NLGN4Y: variants seen among roughly 807,000 people sequenced by gnomAD.
The protein encoded by NLGN4Y is neuroligin 4 Y-linked.
NLGN4Y carries 4 observed loss-of-function variants against 8.4 expected under a neutral mutation model. That is an observed-to-expected ratio of 0.48 (90% CI 0.23 to 1.09). NLGN4Y has a LOEUF of 1.09. Ranked by LOEUF, NLGN4Y falls within the 50% of genes least tolerant of loss-of-function variation. The pLI is 0.19. For synonymous variants in NLGN4Y, 35 were observed against 75.6 expected, an observed-to-expected ratio of 0.46 and a Z score of 2.78; for missense variants, 90 against 192.3, an observed-to-expected ratio of 0.47 and a Z score of 3.15.
At chrY:14,682,947 T>C (rs895901152) in intron 2 of NLGN4Y, among the ~76,000 whole-genome samples, 1 of 33,267 alleles carries the variant, frequency 3.0e-5, no homozygotes, top group Non-Finnish European at 7.4e-5. Context: ...TACAGTGTAC[T>C]CTGTCCTGGT....
chrY:14,647,801 T>A (rs931617532), intron 2 of NLGN4Y, among the ~76,000 whole-genome samples: 1 of 34,740 alleles, frequency 2.9e-5, no homozygotes, highest in Non-Finnish European at 7.2e-5. Flanking sequence ...ACATCTTACA[T>A]GTTCTTGGTT....
intron 1 of NLGN4Y, among the ~76,000 whole-genome samples, chrY:14,594,728 C>T: frequency 3.0e-5 from 1 of 32,966 alleles, no homozygotes. Flanking sequence ...CTCTCGTAGC[C>T]GCTCGAGGAA....
At chrY:14,675,595 G>A in intron 2 of NLGN4Y, among the ~76,000 whole-genome samples, 1 of 32,627 alleles carries the variant, frequency 3.1e-5, no homozygotes. Flanking sequence ...ATCTGTCTTA[G>A]TCCCTTCTGT....
chrY:14,786,557 G>A, intron 4 of NLGN4Y, among the ~76,000 whole-genome samples: 2 of 32,545 alleles, frequency 6.1e-5, no homozygotes, highest in African/African-American at 1.2e-4. Flanking sequence ...TCTATGTGTC[G>A]TTGTGTTCTC....
intron 4 of NLGN4Y, among the ~76,000 whole-genome samples, chrY:14,814,286 TA>T (rs2043093489): frequency 3.1e-5 from 1 of 32,686 alleles, no homozygotes; most frequent in Non-Finnish European, 7.5e-5. Context: ...TCCTGATGGA[TA>T]GGGGCAAAGA....
intron 2 of NLGN4Y, among the ~76,000 whole-genome samples, chrY:14,675,522 G>A: frequency 3.0e-5 from 1 of 32,976 alleles, no homozygotes; most frequent in Admixed American, 2.8e-4. Flanking sequence ...ATTATTGCAT[G>A]GTTTGGCCTC....
At chrY:14,639,089 C>G (rs769459284) in intron 2 of NLGN4Y, 3 of 78,962 alleles carry the variant, frequency 3.8e-5, no homozygotes, top group African/African-American at 3.1e-4. Flanking sequence ...CTGCAAATCT[C>G]TAGAAGGTGA....
chrY:14,523,759 C>T, upstream of NLGN4Y: 1 of 87,308 alleles, frequency 1.1e-5, no homozygotes, highest in South Asian at 5.6e-5. Context: ...TTTTCCCTTC[C>T]TTCATCTCCT....
chrY:14,550,571 A>C, intron 1 of NLGN4Y, among the ~76,000 whole-genome samples: 1 of 33,970 alleles, frequency 2.9e-5, no homozygotes. Flanking sequence ...AGGCAGGCCT[A>C]TGTTGACAAA....
intron 4 of NLGN4Y, among the ~76,000 whole-genome samples, chrY:14,769,320 C>A: frequency 3.0e-5 from 1 of 33,226 alleles, no homozygotes; most frequent in Non-Finnish European, 7.4e-5. Flanking sequence ...ATGCATGAAG[C>A]AACATAAAAA....
intron 2 of NLGN4Y, among the ~76,000 whole-genome samples, chrY:14,691,189 C>T: frequency 3.0e-5 from 1 of 33,185 alleles, no homozygotes; most frequent in African/African-American, 1.2e-4. Flanking sequence ...GGAACTTCCC[C>T]AAGTACTCAG....
At chrY:14,594,067 G>A in intron 1 of NLGN4Y, among the ~76,000 whole-genome samples, 2 of 33,719 alleles carry the variant, frequency 5.9e-5, no homozygotes, top group African/African-American at 1.2e-4. Flanking sequence ...TCCTCAGATG[G>A]TAACTGACCT....
At chrY:14,810,465 G>C in intron 4 of NLGN4Y, among the ~76,000 whole-genome samples, 3 of 31,408 alleles carry the variant, frequency 9.6e-5, no homozygotes, top group Non-Finnish European at 1.5e-4. Flanking sequence ...GGACATAGAG[G>C]TTACAGTGGG....
At chrY:14,643,259 T>A (rs2080597552) in intron 2 of NLGN4Y, among the ~76,000 whole-genome samples, 1 of 33,444 alleles carries the variant, frequency 3.0e-5, no homozygotes. Flanking sequence ...AACTCATTGA[T>A]GTCCATTGTC....
chrY:14,751,996 A>T (rs2081043379), intron 4 of NLGN4Y, among the ~76,000 whole-genome samples: 2 of 32,379 alleles, frequency 6.2e-5, no homozygotes, highest in African/African-American at 2.4e-4. Context: ...CTTTACCATA[A>T]TTTTTTTCAG....
intron 1 of NLGN4Y, among the ~76,000 whole-genome samples, chrY:14,603,613 A>G (rs1309532091): frequency 3.0e-5 from 1 of 33,524 alleles, no homozygotes; most frequent in African/African-American, 1.2e-4. Flanking sequence ...TCTTCAAGAC[A>G]AGATAGTCAT....
At chrY:14,593,067 C>T in intron 1 of NLGN4Y, among the ~76,000 whole-genome samples, 1 of 33,217 alleles carries the variant, frequency 3.0e-5, no homozygotes, top group Admixed American at 2.8e-4. Context: ...TGGAGATTCC[C>T]TGAGTTATCG....
At chrY:14,604,748 A>G (rs2080440822) in intron 1 of NLGN4Y, among the ~76,000 whole-genome samples, 4 of 33,213 alleles carry the variant, frequency 1.2e-4, no homozygotes, top group African/African-American at 4.7e-4. Context: ...TGTCTTCCTT[A>G]TCTTTTTAAG....
intron 4 of NLGN4Y, among the ~76,000 whole-genome samples, chrY:14,783,635 T>G: frequency 1.2e-4 from 4 of 33,999 alleles, no homozygotes; most frequent in African/African-American, 3.4e-4. Flanking sequence ...AAATGTCTGA[T>G]TTTTAAGGAT....
Sources: gnomAD v4.1 joint callset for allele counts (sites outside exome capture counted in the v4.1 genomes callset) on GRCh38, gnomAD v4.1.1 for gene constraint, MANE v1.5 for transcripts, NCBI Gene and HGNC (gene_info 2026-07-23, HGNC 2026-07-21) for gene names.